The following CCDC57 variants were observed in gnomAD, a reference collection of about 807,000 sequenced individuals.
CCDC57 encodes coiled-coil domain-containing protein 57.
A neutral mutation model predicts 118.9 loss-of-function variants in CCDC57; 118 were observed. The observed-to-expected ratio is 0.99, with a 90% CI of 0.86 to 1.16. The LOEUF (loss-of-function observed/expected upper bound fraction) is 1.16, where lower values mean the gene tolerates loss of function less well. Ranked by LOEUF, CCDC57 falls within the 50% of genes most tolerant of loss-of-function variation. The pLI is 0.00. For missense variants in CCDC57, 1,300 were observed against 1,320.7 expected (o/e 0.98, Z 0.24); for synonymous variants, 527 against 532.9 (o/e 0.99, Z 0.15).
At chr17:82,175,476 T>C (rs1382448910) in intron 11 of CCDC57, 8 of 152,248 alleles carry the variant, frequency 5.3e-5, no homozygotes, top group Admixed American at 5.2e-4. Context: ...AGTCACCCTT[T>C]GCTCACTGAG....
intron 19 of CCDC57, chr17:82,112,132 CCTGA>C (rs1453982249): frequency 1.3e-5 from 2 of 151,792 alleles, no homozygotes; most frequent in African/African-American, 2.4e-5. Flanking sequence ...CACCACCACA[CCTGA>C]CTAATTTTTG....
At chr17:82,104,141 G>A (rs887208287) in intron 19 of CCDC57, among the ~76,000 whole-genome samples, 2 of 152,226 alleles carry the variant, frequency 1.3e-5, no homozygotes, top group African/African-American at 4.8e-5. Context: ...AGTAACTGGT[G>A]TGTAAAAACG....
Position 82,172,994 on chromosome 17 carries a change from C to A in CCDC57, c.1507-134G>T. ...TTCAGCTTGGGCTGTGGTCCCTCCC[C>A]ATCCCCAGGCTGTGATGCCCCTCCT... On this transcript the variant is annotated intron_variant, in intron 11 of 19. Transcript: ENST00000665763. This position sits in a 1 kb window ranked among gnomAD's most constrained non-coding sequence, Gnocchi z 5.2. 1.4e-6 allele frequency: 1 copy of A among 732,372 alleles called. No homozygotes were observed. The highest frequency in any genetic ancestry group is 1.6e-5 in the South Asian group (1 of 64,354). The allele number at this position is 732,372 out of a possible 1,614,324, so 45.4% of individuals were successfully genotyped here. A position where few individuals can be genotyped will look rare whatever the true frequency, so the allele number is the denominator to read the frequency against.
At chr17:82,178,962 G>C in intron 10 of CCDC57, 65 bp downstream of exon 9, 3 of 1,545,226 alleles carry the variant, frequency 1.9e-6, no homozygotes, top group Non-Finnish European at 2.6e-6. Context: ...AACCAGACCC[G>C]TCCTGCCCAG....
intron 9 of CCDC57, among the ~76,000 whole-genome samples, chr17:82,180,897 G>A (rs992515305): frequency 1.2e-4 from 18 of 152,242 alleles, no homozygotes; most frequent in African/African-American, 4.3e-4. Flanking sequence ...AGTAAATGGG[G>A]CACGGCTTTC....
intron 18 of CCDC57, 28 bp downstream of exon 17, chr17:82,128,465 G>C (rs2037815257): frequency 6.7e-7 from 1 of 1,494,878 alleles, no homozygotes; most frequent in African/African-American, 1.4e-5. Flanking sequence ...CCACACAGCT[G>C]CACTTGCTCG....
At chr17:82,157,494 G>A (rs1248286523) in intron 15 of CCDC57, 5 of 1,414,548 alleles carry the variant, frequency 3.5e-6, no homozygotes, top group Non-Finnish European at 2.8e-6. Context: ...GGACTGGGAT[G>A]GGCCCGTCCC....
chr17:82,126,286 A>C, intron 19 of CCDC57: 1 of 63,800 alleles, frequency 1.6e-5, no homozygotes, highest in Middle Eastern at 4.8e-3. Flanking sequence ...ATCTCAAAGG[A>C]AAAAAAAAAA....
intron 4 of CCDC57, 70 bp from the exon 4 acceptor site, chr17:82,195,434 A>T: frequency 3.3e-6 from 4 of 1,221,442 alleles, no homozygotes; most frequent in African/African-American, 1.5e-5. Context: ...ACGTCCTGGG[A>T]GGTGGGATCC....
At chr17:82,153,293 C>T (rs1221879414) in intron 15 of CCDC57, 1 of 152,254 alleles carries the variant, frequency 6.6e-6, no homozygotes, top group Non-Finnish European at 1.5e-5. Flanking sequence ...GGATCCTCTA[C>T]AGGAACACAC....
Position 82,172,702 on chromosome 17 carries a change from T to C in CCDC57, c.1665A>G (p.Thr555=). Residue 555 remains threonine (T), a synonymous_variant, in exon 12 of 20, where the codon ACA becomes ACG. Transcript: ENST00000665763. The surrounding 1 kb of genome is among the most constrained non-coding windows in gnomAD (Gnocchi z 5.2). ...GGTTTGCATCTGTGCTCTCTGCCGC[T>C]GTCTGGATGGGAGGAGGAATCTGAT... 6.4e-7 allele frequency: 1 copy of C among 1,573,076 alleles called. No homozygotes were observed. The highest frequency in any genetic ancestry group is 8.6e-7 in the Non-Finnish European group (1 of 1,159,034).
At chr17:82,198,783 G>A (rs973491373) in intron 3 of CCDC57, among the ~76,000 whole-genome samples, 2 of 152,036 alleles carry the variant, frequency 1.3e-5, no homozygotes, top group Non-Finnish European at 2.9e-5. Context: ...AAGGTCAGGA[G>A]ATCGAGAGCA....
chr17:82,200,750 G>A (rs1385948169), intron 3 of CCDC57, among the ~76,000 whole-genome samples: 1 of 151,970 alleles, frequency 6.6e-6, no homozygotes, highest in Non-Finnish European at 1.5e-5. Context: ...CCGAGATCAC[G>A]CTACTGCGAT....
intron 19 of CCDC57, among the ~76,000 whole-genome samples, chr17:82,110,202 A>G (rs1193304950): frequency 6.6e-6 from 1 of 152,082 alleles, no homozygotes; most frequent in Non-Finnish European, 1.5e-5. Context: ...GCTGGTCTTG[A>G]ACTCCTGACC....
intron 19 of CCDC57, among the ~76,000 whole-genome samples, chr17:82,104,264 GAC>G (rs940147304): frequency 6.6e-6 from 1 of 152,248 alleles, no homozygotes; most frequent in Non-Finnish European, 1.5e-5. Context: ...AAACCATGTG[GAC>G]ACACAGTTTG....
intron 14 of CCDC57, among the ~76,000 whole-genome samples, chr17:82,161,395 TC>T (rs2043313702): frequency 6.6e-6 from 1 of 152,080 alleles, no homozygotes; most frequent in South Asian, 2.1e-4. Context: ...GCAATTCCGC[TC>T]CCAGGTGTAC....
At chr17:82,193,731 T>C (rs1210239745) in intron 7 of CCDC57, 25 bp downstream of exon 6, 12 of 1,572,782 alleles carry the variant, frequency 7.6e-6, no homozygotes, top group African/African-American at 2.7e-5. Context: ...ACATGCTGCA[T>C]GATGTTGGGA....
intron 19 of CCDC57, among the ~76,000 whole-genome samples, chr17:82,120,071 C>T (rs4789756): frequency 0.023 from 3,521 of 152,208 alleles, 59 homozygotes; most frequent in South Asian, 0.076. Flanking sequence ...AGCTGTGTGA[C>T]GTCGTGACTA....
chr17:82,104,051 G>C (rs557787507), intron 19 of CCDC57, among the ~76,000 whole-genome samples: 2 of 152,352 alleles, frequency 1.3e-5, no homozygotes, highest in African/African-American at 4.8e-5. Context: ...CACGGAGCTG[G>C]ATGTGTCAAG....
Sources: gnomAD v4.1 joint callset for allele counts (sites outside exome capture counted in the v4.1 genomes callset) on GRCh38, gnomAD v4.1.1 for gene constraint, Gnocchi (gnomAD v3.1) non-coding constraint, MANE v1.5 for transcripts, NCBI Gene and HGNC (gene_info 2026-07-23, HGNC 2026-07-21) for gene names.